NUAK1: variants seen among roughly 807,000 people sequenced by gnomAD.
NUAK1 encodes the protein NUAK family SNF1-like kinase 1.
A neutral mutation model predicts 56.9 loss-of-function variants in NUAK1; 26 were observed. That is an observed-to-expected ratio of 0.46 (90% CI 0.33 to 0.63). The LOEUF (loss-of-function observed/expected upper bound fraction) is 0.63, where lower values mean the gene tolerates loss of function less well. Ranked by LOEUF, NUAK1 falls within the 30% of genes least tolerant of loss-of-function variation. The pLI, the probability that NUAK1 is intolerant of heterozygous loss-of-function variation, is 0.02. For missense variants in NUAK1, 727 were observed against 876.1 expected, an observed-to-expected ratio of 0.83 and a Z score of 2.15; for synonymous variants, 337 against 336.0, an observed-to-expected ratio of 1.00 and a Z score of -0.03.
In NUAK1 at chr12:106,067,989, A is replaced by G; in HGVS notation, c.833-34T>C. 1 of 1,561,936 alleles carries G rather than the reference A, an allele frequency of 6.4e-7. No individual in the cohort carries two copies. The highest frequency in any genetic ancestry group is 8.7e-7 in the Non-Finnish European group (1 of 1,152,310). On this transcript the variant is annotated intron_variant, in intron 6 of 6. Transcript: ENST00000261402. The surrounding 1 kb of genome is among the most constrained non-coding windows in gnomAD (Gnocchi z 6.0). ...CAAGGGACAAAAAGAATCGGGCATT[A>G]TGTGGGAGCTTCTGGCTTTGTGATA...
At position 106,067,803 on chromosome 12, in the gene NUAK1, C is replaced by T. The variant is rs1347388206; in HGVS notation, c.985G>A (p.Ala329Thr). ...CGGTGGTGCCAGTCAATGATCCGAG[C>T]CAGGAGTGGGGACTCAGAGTCATGG... The part of the protein sequence containing the change: ...ALHDSESPLL[A>T]RIIDWHHRST... The change falls in exon 7 of 7, where the codon GCT (alanine) becomes ACT (threonine). Residue 329 changes from alanine to threonine, a missense_variant. By Grantham distance (58) the Ala-to-Thr change is moderately conservative. Coordinates refer to ENST00000261402, the MANE Select transcript of NUAK1 (RefSeq NM_014840.3). This position sits in a 1 kb window ranked among gnomAD's most constrained non-coding sequence, Gnocchi z 6.0. The T allele has an allele frequency of 3.1e-6, 5 of 1,614,082 alleles. No individual in the cohort carries two copies. The highest frequency in any genetic ancestry group is 4.2e-6 in the Non-Finnish European group (5 of 1,180,042).
chr12:106,116,188 A>G (rs1265951813), intron 1 of NUAK1, among the ~76,000 whole-genome samples: 2 of 152,240 alleles, frequency 1.3e-5, no homozygotes, highest in African/African-American at 4.8e-5. Flanking sequence ...ATGGAGCCCA[A>G]GTATTAAGAA....
At position 106,069,646 on chromosome 12, in the gene NUAK1, T is replaced by C. The variant is rs545426455; in HGVS notation, c.832+1128A>G. ...ATATATCAATCAGTTAACAAAAATA[T>C]TGTGAGCAGAGGCTCTCAGGAACCT... On this transcript the variant is annotated intron_variant, in intron 6 of 6. Coordinates refer to ENST00000261402, the MANE Select transcript of NUAK1 (RefSeq NM_014840.3). 4.6e-5 allele frequency among the ~76,000 whole-genome samples: 7 copies of C among 152,350 alleles called. No homozygotes were observed. In the South Asian group the frequency reaches 1.5e-3, roughly 32 times the overall value.
chr12:106,097,231 A>T (rs1272528512), intron 2 of NUAK1, among the ~76,000 whole-genome samples: 1 of 152,250 alleles, frequency 6.6e-6, no homozygotes, highest in Non-Finnish European at 1.5e-5. Context: ...TGCAGTAACT[A>T]GCAGTGCAAT....
At chr12:106,129,465 G>A (rs1278889402) in intron 1 of NUAK1, among the ~76,000 whole-genome samples, 1 of 152,214 alleles carries the variant, frequency 6.6e-6, no homozygotes, top group Non-Finnish European at 1.5e-5. Flanking sequence ...AATAGACAAG[G>A]AAGAATGGAG....
intron 1 of NUAK1, among the ~76,000 whole-genome samples, chr12:106,136,637 T>C (rs190578730): frequency 3.3e-4 from 51 of 152,302 alleles, no homozygotes; most frequent in Non-Finnish European, 5.7e-4. Flanking sequence ...TCACAGACCC[T>C]AGACACACCC....
At chr12:106,069,962 A>G (rs2032387843) in intron 6 of NUAK1, among the ~76,000 whole-genome samples, 1 of 152,196 alleles carries the variant, frequency 6.6e-6, no homozygotes, top group South Asian at 2.1e-4. Flanking sequence ...TGACCAATAG[A>G]ACACAGCAGA....
intron 2 of NUAK1, among the ~76,000 whole-genome samples, chr12:106,088,120 G>A (rs1216546556): frequency 6.6e-6 from 1 of 152,226 alleles, no homozygotes; most frequent in Non-Finnish European, 1.5e-5. Context: ...GCAGGGAGAA[G>A]GGAGGCCACA....
At chr12:106,118,086 C>T (rs1286139901) in intron 1 of NUAK1, among the ~76,000 whole-genome samples, 1 of 152,212 alleles carries the variant, frequency 6.6e-6, no homozygotes, top group African/African-American at 2.4e-5. Context: ...TACCCAGATT[C>T]CACTCTGGTC....
chr12:106,133,021 T>C (rs1029995252), intron 1 of NUAK1, among the ~76,000 whole-genome samples: 1 of 152,192 alleles, frequency 6.6e-6, no homozygotes, highest in Non-Finnish European at 1.5e-5. Flanking sequence ...AGAATTGTTA[T>C]AAGGATTAAA....
At chr12:106,102,341 G>A (rs976731364) in intron 2 of NUAK1, among the ~76,000 whole-genome samples, 2 of 152,178 alleles carry the variant, frequency 1.3e-5, no homozygotes, top group African/African-American at 4.8e-5. Flanking sequence ...TAGCAGCACT[G>A]TCCGGCAGAA....
chr12:106,079,167 T>C (rs2032491722), intron 4 of NUAK1, among the ~76,000 whole-genome samples: 2 of 152,212 alleles, frequency 1.3e-5, no homozygotes, highest in Non-Finnish European at 2.9e-5. Flanking sequence ...GGAGACATTC[T>C]GAGGACCAAA....
At chr12:106,114,421 G>A (rs764777422) in intron 1 of NUAK1, among the ~76,000 whole-genome samples, 18 of 152,192 alleles carry the variant, frequency 1.2e-4, no homozygotes, top group Non-Finnish European at 2.6e-4. Flanking sequence ...GATGATGATG[G>A]TACCAACCTC....
chr12:106,110,664 G>T (rs2032849900), intron 1 of NUAK1, among the ~76,000 whole-genome samples: 1 of 152,184 alleles, frequency 6.6e-6, no homozygotes, highest in Non-Finnish European at 1.5e-5. Flanking sequence ...GGGAACTCAG[G>T]TGTTTGAGCC....
rs201594672 is a variant in NUAK1 at position 106,067,291 on chromosome 12, G to C, written c.1497C>G (p.Ser499Arg). Residue 499 changes from serine to arginine, a missense_variant, in exon 7 of 7, where the codon AGC becomes AGG. Physicochemically the swap from Ser to Arg is moderately radical, Grantham distance 110 (BLOSUM62 -1). Transcript: ENST00000261402. The surrounding 1 kb of genome is among the most constrained non-coding windows in gnomAD (Gnocchi z 6.0). ...ELLDSNDVMG[S>R]SIPSPSPPDP... ...CCGGGGGGCTGGGGGAGGGGATGCT[G>C]CTGCCCATCACATCATTACTGTCCA... is the stretch of plus-strand genomic sequence containing the variant. The C allele has an allele frequency of 6.2e-7, 1 of 1,614,094 alleles. No individual in the cohort carries two copies. Among genetic ancestry groups the C allele is most frequent in the Non-Finnish European group, 8.5e-7 (1 of 1,179,954 alleles).
At position 106,064,634 on chromosome 12, in the gene NUAK1, C is replaced by G. The variant is rs2032314172; in HGVS notation, c.*2168G>C. ...AAACACATCAACCAGTAGGTAGGAG[C>G]TAGATCTAAGTCATACTGACAGCTA... On this transcript the variant is annotated 3_prime_UTR_variant, in exon 7 of 7. Coordinates refer to ENST00000261402, the MANE Select transcript of NUAK1 (RefSeq NM_014840.3). 1 of 152,278 alleles carries G rather than the reference C, an allele frequency of 6.6e-6. No homozygotes were observed. Among genetic ancestry groups the G allele is most frequent in the African/African-American group, 2.4e-5 (1 of 41,436 alleles). 9.4% of individuals were successfully genotyped at this position (152,278 alleles called of 1,614,324 possible).
In NUAK1 at chr12:106,106,388, A is replaced by T. The variant is rs1465903180; in HGVS notation, c.361+17T>A. On this transcript the variant is annotated intron_variant, in intron 2 of 6. Coordinates refer to ENST00000261402, the MANE Select transcript of NUAK1 (RefSeq NM_014840.3). ...TGGTAACTGATATGGGGGTTAAAAA[A>T]AAAAAAAATCACTGACCTTCATAAA... The T allele has an allele frequency of 6.3e-7, 1 of 1,595,346 alleles. No homozygotes were observed. Among genetic ancestry groups the T allele is most frequent in the African/African-American group, 1.3e-5 (1 of 74,262 alleles).
chr12:106,074,092 C>T (rs2032437140), intron 4 of NUAK1, among the ~76,000 whole-genome samples: 1 of 152,270 alleles, frequency 6.6e-6, no homozygotes, highest in Middle Eastern at 3.4e-3. Flanking sequence ...CTACCAGACT[C>T]TGAGTTTCCT....
intron 4 of NUAK1, among the ~76,000 whole-genome samples, chr12:106,076,237 G>T (rs1043977665): frequency 1.3e-5 from 2 of 152,194 alleles, no homozygotes; most frequent in Non-Finnish European, 2.9e-5. Flanking sequence ...GCAGCTGAAG[G>T]TTCCAGGGCA....
Sources: gnomAD v4.1 joint callset for allele counts (sites outside exome capture counted in the v4.1 genomes callset) on GRCh38, gnomAD v4.1.1 for gene constraint, Gnocchi (gnomAD v3.1) non-coding constraint, MANE v1.5 for transcripts, NCBI Gene and HGNC (gene_info 2026-07-23, HGNC 2026-07-21) for gene names.